Variants in SELE observed in about 807,000 individuals in gnomAD.
SELE encodes the protein selectin E.
A neutral mutation model predicts 75.8 loss-of-function variants in SELE; 52 were observed. The ratio of observed to expected loss-of-function variants is 0.69; its 90% CI spans 0.55 to 0.86. The LOEUF is 0.86. SELE is among the 40% of genes least tolerant of loss of function. SELE has a pLI of 0.00. For synonymous variants in SELE, 285 were observed against 258.7 expected (o/e 1.10, Z -0.98); for missense variants, 754 against 732.7 (o/e 1.03, Z -0.34).
At chr1:169,731,078 G>C (rs1000725733) in intron 4 of SELE, among the ~76,000 whole-genome samples, 64 of 152,238 alleles carry the variant, frequency 4.2e-4, no homozygotes, top group African/African-American at 1.5e-3. Context: ...ATGCTGCACT[G>C]TCTACTATAG....
In SELE at chr1:169,726,773, C is replaced by A. The variant is rs2101990456; in HGVS notation, c.1679G>T (p.Gly560Val). 1 of 1,613,660 alleles carries A rather than the reference C, an allele frequency of 6.2e-7. No individual in the cohort carries two copies. Among genetic ancestry groups the A allele is most frequent in the South Asian group, 1.1e-5 (1 of 90,924 alleles). ...PTESNIPLVA[G>V]LSAAGLSLLT... The stretch of plus-strand genomic sequence containing the variant: ...GAGGGAGAGTCCAGCAGCAGAAAGT[C>A]CAGCTACCAAGGGAATGTTGGACTC... Residue 560 changes from glycine (G) to valine (V), a missense_variant, in exon 11 of 14, where the codon GGA (glycine) becomes GTA (valine). Coordinates refer to ENST00000333360, the MANE Select transcript of SELE (RefSeq NM_000450.2).
chr1:169,730,117 A>C (rs1258921881), intron 5 of SELE, among the ~76,000 whole-genome samples: 2 of 152,180 alleles, frequency 1.3e-5, no homozygotes, highest in African/African-American at 4.8e-5. Flanking sequence ...AGTTAGTCCC[A>C]TGGCTTGGAA....
At chr1:169,728,021 T>C in intron 8 of SELE, 37 bp downstream of exon 8, 2 of 1,584,264 alleles carry the variant, frequency 1.3e-6, no homozygotes, top group Non-Finnish European at 1.7e-6. Flanking sequence ...TCAATAGTTC[T>C]TTTTATCTTA....
At chr1:169,733,533 T>C (rs1350690711) in intron 2 of SELE, 43 bp downstream of exon 2, 4 of 1,580,930 alleles carry the variant, frequency 2.5e-6, no homozygotes, top group Admixed American at 1.7e-5. Flanking sequence ...GAAATATCTA[T>C]AGTGCGAGAA....
intron 11 of SELE, among the ~76,000 whole-genome samples, chr1:169,726,174 C>T (rs982892419): frequency 6.6e-6 from 1 of 152,186 alleles, no homozygotes; most frequent in African/African-American, 2.4e-5. Context: ...TTGCCCAATT[C>T]AGCTCCCAAT....
chr1:169,733,547 G>A (rs745888510), intron 2 of SELE, 29 bp downstream of exon 2: 2 of 1,605,804 alleles, frequency 1.2e-6, no homozygotes, highest in Non-Finnish European at 8.5e-7. Flanking sequence ...GCGAGAATGA[G>A]AAATCTTGGT....
intron 7 of SELE, among the ~76,000 whole-genome samples, chr1:169,728,469 G>C (rs1462789074): frequency 6.6e-6 from 1 of 152,182 alleles, no homozygotes; most frequent in East Asian, 1.9e-4. Context: ...TAGTTCCTGA[G>C]CACTGTTCTT....
At chr1:169,728,276 A>G in intron 7 of SELE, 30 bp from the exon 8 acceptor site, 1 of 1,608,410 alleles carries the variant, frequency 6.2e-7, no homozygotes, top group Non-Finnish European at 8.5e-7. Context: ...GTCAGAAAAT[A>G]TTGCAGTGGA....
Position 169,729,203 on chromosome 1 carries a change from T to C in SELE, c.1073A>G (p.Gln358Arg). The change falls in exon 7 of 14, where the codon CAA becomes CGA. Residue 358 changes from glutamine (Q) to arginine (R), a missense_variant. Transcript: ENST00000333360. ...ECTTQGQWTQQIPVCEAFQCT... is the reference protein window; with the variant it reads ...ECTTQGQWTQRIPVCEAFQCT... Reference sequence around the variant, plus strand: ...AAGCTTACCTTCACAAACTGGGATTTGCTGTGTCCACTGCCCTTGAGTGGT... The same window carrying C: ...AAGCTTACCTTCACAAACTGGGATTCGCTGTGTCCACTGCCCTTGAGTGGT... 6.2e-7 allele frequency: 1 copy of C among 1,608,604 alleles called. No homozygotes were observed. The highest frequency in any genetic ancestry group is 8.5e-7 in the Non-Finnish European group (1 of 1,176,778).
In SELE at chr1:169,729,938, T is replaced by C. The variant is rs12037478; in HGVS notation, c.716-265A>G. Among the ~76,000 whole-genome samples the C allele has an allele frequency of 1.3e-3, 202 of 152,238 alleles. 1 individual carries two copies. The East Asian group carries it at 0.027, about 20-fold the overall frequency. On this transcript the variant is annotated intron_variant, in intron 5 of 13. Coordinates refer to ENST00000333360, the MANE Select transcript of SELE (RefSeq NM_000450.2). ...ACGTGAGGTAAAAATTTAAAAAAAA[T>C]AGATTCCAGATTAGGAGTTATGACT...
intron 7 of SELE, 123 bp from the exon 8 acceptor site, chr1:169,728,369 T>C (rs1335654057): frequency 6.8e-6 from 6 of 881,546 alleles, no homozygotes; most frequent in African/African-American, 1.7e-5. Context: ...TATAATTCCC[T>C]GGACAAATGG....
In SELE at chr1:169,727,793, G is replaced by C. The variant is rs1255568201; in HGVS notation, c.1414C>G (p.Gln472Glu). 9.9e-6 allele frequency: 16 copies of C among 1,614,018 alleles called. No individual in the cohort carries two copies. The highest frequency in any genetic ancestry group is 1.4e-5 in the Non-Finnish European group (16 of 1,180,012). ...EEGFELHGST[Q>E]LECTSQGQWT... ...TGTCCCTGAGATGTGCACTCAAGTTGAGTTGATCCATGTAATTCAAATCCC... is the reference window on the plus strand; with the variant it reads ...TGTCCCTGAGATGTGCACTCAAGTTCAGTTGATCCATGTAATTCAAATCCC... Residue 472 changes from glutamine (Q) to glutamate (E), a missense_variant, in exon 9 of 14, where the codon CAA (glutamine) becomes GAA (glutamate). Transcript: ENST00000333360.
At chr1:169,728,421 A>T (rs1648831654) in intron 7 of SELE, among the ~76,000 whole-genome samples, 175 bp from the exon 8 acceptor site, 1 of 152,208 alleles carries the variant, frequency 6.6e-6, no homozygotes, top group Non-Finnish European at 1.5e-5. Flanking sequence ...CCCCTCACTG[A>T]TCATGGCACT....
rs150360557 is a variant in SELE at position 169,726,438 on chromosome 1, C to T, written c.1753+261G>A. On this transcript the variant is annotated intron_variant, in intron 11 of 13. Transcript: ENST00000333360. The stretch of plus-strand genomic sequence containing the variant: ...TCATGGCAGTTCCATTGCACAATTC[C>T]GGGAGGCATCATATAATTCAACATG... Among the ~76,000 whole-genome samples, 548 of 152,202 alleles carry T rather than the reference C, an allele frequency of 3.6e-3. 4 individuals carry two copies. Among genetic ancestry groups the T allele is most frequent in the African/African-American group, 0.012 (511 of 41,510 alleles).
In SELE at chr1:169,726,007, C is replaced by G. The variant is rs1362517131; in HGVS notation, c.1754-79G>C. On this transcript the variant is annotated intron_variant, in intron 11 of 13. Coordinates refer to ENST00000333360, the MANE Select transcript of SELE (RefSeq NM_000450.2). ...TATATTAAATCCAGATACAATATGA[C>G]TTAATTCATCAAGTGTTGCAAACTC... is the stretch of plus-strand genomic sequence containing the variant. 2.0e-6 allele frequency: 3 copies of G among 1,520,366 alleles called. No individual in the cohort carries two copies. The African/African-American group carries it at 4.1e-5, about 21-fold the overall frequency. The allele number at this position is 1,520,366 out of a possible 1,614,324, so 94.2% of individuals were successfully genotyped here.
In SELE at chr1:169,730,582, C is replaced by T. The variant is rs1290634266; in HGVS notation, c.565G>A (p.Gly189Arg). 1 of 1,613,820 alleles carries T rather than the reference C, an allele frequency of 6.2e-7. No homozygotes were observed. The highest frequency in any genetic ancestry group is 2.2e-5 in the East Asian group (1 of 44,868). ...NCTALESPEH[G>R]SLVCSHPLGN... ...AGTGGGTGACTGCAAACCAGGCTTC[C>T]ATGCTCAGGGGATTCCAGGGCTGTA... The change falls in exon 5 of 14, where the codon GGA becomes AGA. Residue 189 changes from glycine (G) to arginine (R), a missense_variant. Transcript: ENST00000333360.
intron 5 of SELE, among the ~76,000 whole-genome samples, chr1:169,730,210 G>A (rs890220958): frequency 3.3e-5 from 5 of 151,992 alleles, no homozygotes; most frequent in African/African-American, 1.2e-4. Context: ...CAAATCACCA[G>A]AGCCTCAGAA....
In SELE at chr1:169,727,749, A is replaced by T; in HGVS notation, c.1458T>A (p.Pro486=). ...TSQGQWTEEV[P]SCQVVKCSSL... is the part of the protein sequence containing the mutation. ...TGCACTCAATTCTACCTTGGCAGGA[A>T]GGAACCTCTTCTGTCCATTGTCCCT... The change falls in exon 9 of 14, where the codon CCT becomes CCA. Residue 486 remains proline (P), a synonymous_variant. Coordinates refer to ENST00000333360, the MANE Select transcript of SELE (RefSeq NM_000450.2). 6.2e-7 allele frequency: 1 copy of T among 1,613,800 alleles called. No homozygotes were observed. The highest frequency in any genetic ancestry group is 8.5e-7 in the Non-Finnish European group (1 of 1,179,806).
chr1:169,726,020 G>A (rs1248703248), intron 11 of SELE, 92 bp from the exon 12 acceptor site: 3 of 1,456,112 alleles, frequency 2.1e-6, no homozygotes, highest in African/African-American at 2.8e-5. Flanking sequence ...AATTCATCAA[G>A]TGTTGCAAAC....
Sources: gnomAD v4.1 joint callset for allele counts (sites outside exome capture counted in the v4.1 genomes callset) on GRCh38, gnomAD v4.1.1 for gene constraint, MANE v1.5 for transcripts, NCBI Gene and HGNC (gene_info 2026-07-23, HGNC 2026-07-21) for gene names.